The following ACOT12 variants were observed in gnomAD, a reference collection of about 807,000 sequenced individuals.
ACOT12 encodes the protein acyl-CoA thioesterase 12, also known as acetyl-coenzyme A thioesterase.
A neutral mutation model predicts 67.7 loss-of-function variants in ACOT12; 51 were observed. The ratio of observed to expected loss-of-function variants is 0.75; its 90% CI spans 0.60 to 0.95. The LOEUF (loss-of-function observed/expected upper bound fraction) is 0.95. Among genes scored for constraint, ACOT12 ranks in the 40% least tolerant of loss-of-function variants. The pLI, the probability that ACOT12 is intolerant of heterozygous loss-of-function variation, is 0.00. For missense variants in ACOT12, 734 were observed against 708.1 expected (o/e 1.04, Z -0.41); for synonymous variants, 251 against 244.6 (o/e 1.03, Z -0.24).
the ACOT12 span, among the ~76,000 whole-genome samples, chr5:81,316,952 A>G: frequency 6.6e-6 from 1 of 152,162 alleles, no homozygotes; most frequent in Non-Finnish European, 1.5e-5. Flanking sequence ...CTATATACAA[A>G]TTCTTTAACA....
At chr5:81,313,391 G>C in the ACOT12 span, 1 of 152,166 alleles carries the variant, frequency 6.6e-6, no homozygotes, top group South Asian at 2.1e-4. Context: ...AGAACTTCTA[G>C]CCAAAATTCA....
intron 11 of ACOT12, among the ~76,000 whole-genome samples, chr5:81,340,713 G>A (rs1257281080): frequency 6.6e-6 from 1 of 152,072 alleles, no homozygotes; most frequent in Non-Finnish European, 1.5e-5. Context: ...TCCACTAAAA[G>A]GTGGCAGAAA....
chr5:81,350,478 G>T (rs1171750557), intron 5 of ACOT12, among the ~76,000 whole-genome samples: 3 of 152,092 alleles, frequency 2.0e-5, no homozygotes, highest in African/African-American at 2.4e-5. Flanking sequence ...GTGGGGCCTG[G>T]TGTCACTTCC....
the ACOT12 span, among the ~76,000 whole-genome samples, chr5:81,318,925 T>C: frequency 2.1e-3 from 325 of 152,286 alleles, 1 homozygote; most frequent in Admixed American, 4.8e-3. Context: ...GGGATGTTTG[T>C]TGGGGGAGAG....
chr5:81,322,318 T>C, the ACOT12 span, among the ~76,000 whole-genome samples: 1 of 152,116 alleles, frequency 6.6e-6, no homozygotes, highest in African/African-American at 2.4e-5. Context: ...ATATTCTCTG[T>C]CACAGTAACA....
intron 2 of ACOT12, among the ~76,000 whole-genome samples, chr5:81,378,040 C>T (rs1177541757): frequency 1.3e-5 from 2 of 152,076 alleles, no homozygotes. Flanking sequence ...CAATCCTAAG[C>T]AAAAAGAATA....
chr5:81,328,426 A>G (rs182557172), downstream of ACOT12, among the ~76,000 whole-genome samples: 336 of 152,350 alleles, frequency 2.2e-3, no homozygotes, highest in African/African-American at 7.9e-3. Context: ...TGAATGAATG[A>G]AAGAGTGAGT....
chr5:81,364,215 A>G (rs1232504625), intron 3 of ACOT12, among the ~76,000 whole-genome samples: 1 of 150,862 alleles, frequency 6.6e-6, no homozygotes, highest in Non-Finnish European at 1.5e-5. Flanking sequence ...TCTATATATC[A>G]TATATGATAT....
intron 6 of ACOT12, 44 bp from the exon 7 acceptor site, chr5:81,346,048 T>C: frequency 6.2e-7 from 1 of 1,601,154 alleles, no homozygotes; most frequent in Non-Finnish European, 8.5e-7. Flanking sequence ...CGATCACACA[T>C]TCATTCATCG....
At chr5:81,375,372 A>C (rs1307795282) in intron 2 of ACOT12, among the ~76,000 whole-genome samples, 1 of 152,228 alleles carries the variant, frequency 6.6e-6, no homozygotes, top group Non-Finnish European at 1.5e-5. Context: ...AACCGGTACC[A>C]GCCACTCCAA....
At chr5:81,382,254 G>T (rs537510443) in intron 2 of ACOT12, among the ~76,000 whole-genome samples, 1 of 152,244 alleles carries the variant, frequency 6.6e-6, no homozygotes, top group East Asian at 1.9e-4. Flanking sequence ...TTGATGTGAT[G>T]TGCACCTTTC....
chr5:81,384,682 G>A (rs73127915), intron 2 of ACOT12, among the ~76,000 whole-genome samples: 20,143 of 152,130 alleles, frequency 0.13, 1,637 homozygotes, highest in African/African-American at 0.22. Context: ...GGATGAAGTC[G>A]TTAGTGATGC....
the ACOT12 span, among the ~76,000 whole-genome samples, chr5:81,314,236 C>G: frequency 6.6e-6 from 1 of 152,086 alleles, no homozygotes; most frequent in African/African-American, 2.4e-5. Flanking sequence ...TCCTGAGTAG[C>G]TGGGATTATA....
Position 81,350,058 on chromosome 5 carries a change from ATG to A in ACOT12, c.497-2130_497-2129del, listed in dbSNP as rs374937862. On this transcript the variant is annotated intron_variant, in intron 5 of 14. Coordinates refer to ENST00000307624, the MANE Select transcript of ACOT12 (RefSeq NM_130767.3). ...AGTATTCTTGTCACCTCTTCATGAA[ATG>A]TCTCTTTATATCATTTGCTTCAAAT... Among the ~76,000 whole-genome samples the A allele has an allele frequency of 2.5e-3, 381 of 152,280 alleles. 3 individuals are homozygous for A. The highest frequency in any genetic ancestry group is 7.9e-3 in the African/African-American group (327 of 41,552).
At chr5:81,359,544 C>T (rs1423713671) in intron 5 of ACOT12, among the ~76,000 whole-genome samples, 2 of 152,180 alleles carry the variant, frequency 1.3e-5, no homozygotes, top group Non-Finnish European at 2.9e-5. Context: ...CCTATGAAAC[C>T]GTGGACGAGA....
At chr5:81,347,493 T>C (rs1759416041) in intron 6 of ACOT12, among the ~76,000 whole-genome samples, 1 of 152,340 alleles carries the variant, frequency 6.6e-6, no homozygotes, top group South Asian at 2.1e-4. Flanking sequence ...AGACAATGAG[T>C]TGCAGTTTCA....
intron 3 of ACOT12, among the ~76,000 whole-genome samples, chr5:81,364,884 T>C (rs1760029239): frequency 6.6e-6 from 1 of 152,198 alleles, no homozygotes; most frequent in African/African-American, 2.4e-5. Flanking sequence ...GAGTTTTTTT[T>C]CCTTTTTTTA....
chr5:81,337,282 C>T (rs1374349146), intron 11 of ACOT12, among the ~76,000 whole-genome samples: 1 of 152,218 alleles, frequency 6.6e-6, no homozygotes, highest in African/African-American at 2.4e-5. Flanking sequence ...AGTGCCAGTC[C>T]TAATCTGCCC....
intron 5 of ACOT12, among the ~76,000 whole-genome samples, chr5:81,358,533 T>A (rs574245544): frequency 2.0e-4 from 31 of 152,308 alleles, no homozygotes; most frequent in Admixed American, 2.0e-3. Flanking sequence ...CATTTAATGA[T>A]GAAGTCTTCA....
Sources: allele counts gnomAD v4.1 joint callset (sites outside exome capture counted in the v4.1 genomes callset), GRCh38; gene constraint gnomAD v4.1.1; transcripts MANE v1.5; gene names NCBI Gene and HGNC (gene_info 2026-07-23, HGNC 2026-07-21).